The following OMD variants were observed in gnomAD, a reference collection of about 807,000 sequenced individuals.
OMD encodes the protein osteomodulin, also known as KSPG osteomodulin.
In OMD, 19 loss-of-function variants were observed where a neutral mutation model predicts 31.2. The ratio of observed to expected loss-of-function variants is 0.61; its 90% CI spans 0.42 to 0.89. OMD has a LOEUF of 0.89. Ranked by LOEUF, OMD falls within the 40% of genes least tolerant of loss-of-function variation. The pLI is 0.00. For synonymous variants in OMD, 155 were observed against 166.4 expected (o/e 0.93, Z 0.53); for missense variants, 448 against 490.8 (o/e 0.91, Z 0.82).
Position 92,415,464 on chromosome 9 carries a change from T to G in OMD, c.954A>C (p.Thr318=), listed in dbSNP as rs1241833277. The change falls in exon 3 of 3, where the codon ACA becomes ACC. Residue 318 remains threonine (T), a synonymous_variant. Coordinates refer to ENST00000375550, the MANE Select transcript of OMD (RefSeq NM_005014.3). ...GTGGGTCAATAGAAGGACACATCAC[T>G]GTAAGATTCATCTCTGAAAGAAATA... The part of the protein sequence containing the change: ...QNNEIEKMNL[T]VMCPSIDPLH... 6.3e-7 allele frequency: 1 copy of G among 1,584,772 alleles called. No homozygotes were observed. The highest frequency in any genetic ancestry group is 1.4e-5 in the African/African-American group (1 of 73,626).
intron 2 of OMD, among the ~76,000 whole-genome samples, 194 bp downstream of exon 2, chr9:92,416,425 A>G (rs1271747025): frequency 6.6e-6 from 1 of 152,136 alleles, no homozygotes; most frequent in Non-Finnish European, 1.5e-5. Context: ...TATTTAAGGC[A>G]ATAAAATTTA....
intron 1 of OMD, among the ~76,000 whole-genome samples, chr9:92,419,935 G>A (rs1182709340): frequency 1.3e-5 from 2 of 152,118 alleles, no homozygotes; most frequent in African/African-American, 4.8e-5. Context: ...AACCCCATTT[G>A]AGAAAGGTTA....
In OMD at chr9:92,417,204, C is replaced by A. The variant is rs754079804; in HGVS notation, c.355G>T (p.Glu119Ter). The A allele has an allele frequency of 1.2e-6, 2 of 1,613,922 alleles. No individual in the cohort carries two copies. The highest frequency in any genetic ancestry group is 2.2e-5 in the South Asian group (2 of 91,076). Residue 119 changes from glutamate to a stop codon, truncating the protein, a stop_gained, in exon 2 of 3, where the codon GAA becomes TAA. Transcript: ENST00000375550. LOFTEE classifies it high-confidence loss of function. ...ATTTTGTTGTGGCTGAGGTTAATTTCTTTAAGATGAGTTGCATTGATGAAT... is the reference window on the plus strand; with the variant it reads ...ATTTTGTTGTGGCTGAGGTTAATTTATTTAAGATGAGTTGCATTGATGAAT... ...NSFINATHLK[E>*]INLSHNKIKS...
At chr9:92,419,025 A>G (rs763446202) in intron 1 of OMD, among the ~76,000 whole-genome samples, 1 of 152,172 alleles carries the variant, frequency 6.6e-6, no homozygotes, top group Non-Finnish European at 1.5e-5. Context: ...CCAGGTGTTT[A>G]AAGTCTTGTG....
rs1843507880 is a variant in OMD at position 92,413,710 on chromosome 9, T to C, written c.*1442A>G. Among the ~76,000 whole-genome samples, 1 of 152,164 alleles carries C rather than the reference T, an allele frequency of 6.6e-6. No individual in the cohort carries two copies. Among genetic ancestry groups the C allele is most frequent in the African/African-American group, 2.4e-5 (1 of 41,444 alleles). On this transcript the variant is annotated 3_prime_UTR_variant, in exon 3 of 3. Coordinates refer to ENST00000375550, the MANE Select transcript of OMD (RefSeq NM_005014.3). ...ACATTGTACTTTGTTTATTGATCCCTTATTGCCAAGCCCTATATAAGAAAG... is the reference window on the plus strand; with the variant it reads ...ACATTGTACTTTGTTTATTGATCCCCTATTGCCAAGCCCTATATAAGAAAG...
chr9:92,419,884 A>G (rs776340090), intron 1 of OMD, among the ~76,000 whole-genome samples: 2 of 152,172 alleles, frequency 1.3e-5, no homozygotes, highest in Non-Finnish European at 2.9e-5. Context: ...CATCATTGGT[A>G]TAATTGAGAG....
At position 92,414,144 on chromosome 9, in the gene OMD, A is replaced by G. The variant is rs979912902; in HGVS notation, c.*1008T>C. On this transcript the variant is annotated 3_prime_UTR_variant, in exon 3 of 3. Coordinates refer to ENST00000375550, the MANE Select transcript of OMD (RefSeq NM_005014.3). ...AAAATAATACATTAACGAAAAAGTG[A>G]TTTTTAAGGTTTTAAAGAAGATGTT... 1 of 170,424 alleles carries G rather than the reference A, an allele frequency of 5.9e-6. No homozygotes were observed. The highest frequency in any genetic ancestry group is 1.3e-5 in the Non-Finnish European group (1 of 78,510). 10.6% of individuals were successfully genotyped at this position (170,424 alleles called of 1,614,324 possible).
Position 92,412,972 on chromosome 9 carries a change from A to G in OMD, c.*2180T>C, listed in dbSNP as rs1197698599. Among the ~76,000 whole-genome samples the G allele has an allele frequency of 1.5e-5, 2 of 136,942 alleles. No homozygotes were observed. Among genetic ancestry groups the G allele is most frequent in the Non-Finnish European group, 3.1e-5 (2 of 64,610 alleles). 89.8% of individuals were successfully genotyped at this position (136,942 alleles called of 152,430 possible). ...TGGAATCGCTGGGTTATATGTAACT[A>G]AGCTTTTTTTTTTTTTTTTTTTTTT... is the stretch of plus-strand genomic sequence containing the variant. On this transcript the variant is annotated 3_prime_UTR_variant, in exon 3 of 3. Transcript: ENST00000375550.
intron 1 of OMD, 119 bp downstream of exon 1, chr9:92,424,083 A>C (rs1005641115): frequency 1.4e-4 from 21 of 152,220 alleles, no homozygotes; most frequent in African/African-American, 4.8e-4. Flanking sequence ...TTTTGCTTCC[A>C]AAAATTGTGC....
intron 1 of OMD, among the ~76,000 whole-genome samples, chr9:92,422,594 C>A (rs1307765146): frequency 6.6e-6 from 1 of 152,200 alleles, no homozygotes; most frequent in Non-Finnish European, 1.5e-5. Context: ...GGAACAATTT[C>A]TCTTCTAAAC....
Position 92,424,218 on chromosome 9 carries a change from A to G in OMD, c.-33T>C, listed in dbSNP as rs558135540. ...TTATCATACCTGTTCAATTTGCTTT[A>G]GTTTTCAGGGGTTGATGAATTTGTA... On this transcript the variant is annotated 5_prime_UTR_variant, in exon 1 of 3. Transcript: ENST00000375550. The G allele has an allele frequency of 1.7e-4, 26 of 152,306 alleles. No homozygotes were observed. Among genetic ancestry groups the G allele is most frequent in the Admixed American group, 1.2e-3 (19 of 15,296 alleles). The allele number at this position is 152,306 out of a possible 1,614,324, so 9.4% of individuals were successfully genotyped here.
Position 92,415,238 on chromosome 9 carries a change from C to A in OMD, c.1180G>T (p.Asp394Tyr). 1 of 1,613,760 alleles carries A rather than the reference C, an allele frequency of 6.2e-7. No individual in the cohort carries two copies. Among genetic ancestry groups the A allele is most frequent in the Non-Finnish European group, 8.5e-7 (1 of 1,179,766 alleles). ...CTCTCATGAGCATTGTCAGGATCATCGTGATCTTCACTTTCATCATCATCA... is the reference window on the plus strand; with the variant it reads ...CTCTCATGAGCATTGTCAGGATCATAGTGATCTTCACTTTCATCATCATCA... Reference protein sequence around the residue: ...PDDDDESEDHDDPDNAHESPE... With the variant: ...PDDDDESEDHYDPDNAHESPE... The change falls in exon 3 of 3, where the codon GAT (aspartate) becomes TAT (tyrosine). Residue 394 changes from aspartate to tyrosine, a missense_variant. Transcript: ENST00000375550.
At chr9:92,417,658 T>A (rs757317489) in intron 1 of OMD, 84 bp from the exon 2 acceptor site, 4 of 751,938 alleles carry the variant, frequency 5.3e-6, no homozygotes, top group Admixed American at 2.9e-5. Context: ...TTATATGAAA[T>A]GTATTATACC....
chr9:92,412,844 ATGTGGGTGATTTCTACCT>A lies in OMD; in HGVS notation c.*2290_*2307del, dbSNP rs924267210. ...ACATTTTGTTTATCCATTGATGGAC[ATGTGGGTGATTTCTACCT>A]TGTGGATAATGCTGCTGTGGACATT... On this transcript the variant is annotated 3_prime_UTR_variant, in exon 3 of 3. Coordinates refer to ENST00000375550, the MANE Select transcript of OMD (RefSeq NM_005014.3). Among the ~76,000 whole-genome samples, 2 of 152,114 alleles carry A rather than the reference ATGTGGGTGATTTCTACCT, an allele frequency of 1.3e-5. No homozygotes were observed. Among genetic ancestry groups the A allele is most frequent in the African/African-American group, 4.8e-5 (2 of 41,422 alleles).
At chr9:92,422,638 C>T (rs1843842655) in intron 1 of OMD, among the ~76,000 whole-genome samples, 2 of 152,244 alleles carry the variant, frequency 1.3e-5, no homozygotes, top group African/African-American at 4.8e-5. Flanking sequence ...GTCCTCCTCC[C>T]TCCACGTTCC....
Position 92,412,975 on chromosome 9 carries a change from C to CT in OMD, c.*2176dup, listed in dbSNP as rs35323105. 0.17 allele frequency among the ~76,000 whole-genome samples: 7,734 copies of CT among 45,330 alleles called. 1,986 individuals are homozygous for CT. The highest frequency in any genetic ancestry group is 0.32 in the African/African-American group (3,169 of 9,870). 29.7% of individuals were successfully genotyped at this position (45,330 alleles called of 152,430 possible). A position where few individuals can be genotyped will look rare whatever the true frequency, so the allele number is the denominator to read the frequency against. ...AATCGCTGGGTTATATGTAACTAAG[C>CT]TTTTTTTTTTTTTTTTTTTTTTTTT... is the stretch of plus-strand genomic sequence containing the variant. On this transcript the variant is annotated 3_prime_UTR_variant, in exon 3 of 3. Coordinates refer to ENST00000375550, the MANE Select transcript of OMD (RefSeq NM_005014.3).
At position 92,412,406 on chromosome 9, in the gene OMD, G is replaced by A. The variant is rs115654013; in HGVS notation, c.*2746C>T. 3.0e-3 allele frequency among the ~76,000 whole-genome samples: 461 copies of A among 152,188 alleles called. 4 individuals carry two copies. Among genetic ancestry groups the A allele is most frequent in the Middle Eastern group, 0.017 (5 of 294 alleles). ...CCAGCCTAAAGTATACAATTTAATA[G>A]TACTTAGTGTTTTTGCATTTGTACA... On this transcript the variant is annotated 3_prime_UTR_variant, in exon 3 of 3. Transcript: ENST00000375550.
At position 92,415,264 on chromosome 9, in the gene OMD, T is replaced by A; in HGVS notation, c.1154A>T (p.Asp385Val). ...LKTQVFRRFPDDDDESEDHDD... is the reference protein window; with the variant it reads ...LKTQVFRRFPVDDDESEDHDD... ...GTGATCTTCACTTTCATCATCATCA[T>A]CTGGAAATCTCCTGAAAACTTGTGT... The change falls in exon 3 of 3, where the codon GAT becomes GTT. Residue 385 changes from aspartate (D) to valine (V), a missense_variant. Coordinates refer to ENST00000375550, the MANE Select transcript of OMD (RefSeq NM_005014.3). 1 of 1,613,792 alleles carries A rather than the reference T, an allele frequency of 6.2e-7. No homozygotes were observed. Among genetic ancestry groups the A allele is most frequent in the African/African-American group, 1.3e-5 (1 of 75,054 alleles).
At position 92,418,390 on chromosome 9, in the gene OMD, A is replaced by AT. The variant is rs959049639; in HGVS notation, c.-16-817dup. 8.0e-4 allele frequency among the ~76,000 whole-genome samples: 116 copies of AT among 145,702 alleles called. 1 individual carries two copies. The highest frequency in any genetic ancestry group is 3.5e-3 in the Middle Eastern group (1 of 286). ...GCGTGAGCCACTGCGCCTGGCCGAG[A>AT]TTTTTTTTTTTTTTAAGTCACATAT... On this transcript the variant is annotated intron_variant, in intron 1 of 2. Coordinates refer to ENST00000375550, the MANE Select transcript of OMD (RefSeq NM_005014.3).
Sources: allele counts gnomAD v4.1 joint callset (sites outside exome capture counted in the v4.1 genomes callset), GRCh38; gene constraint gnomAD v4.1.1; transcripts MANE v1.5; gene names NCBI Gene and HGNC (gene_info 2026-07-23, HGNC 2026-07-21).